Variants in ESYT2 observed in about 807,000 individuals in gnomAD.
ESYT2 encodes extended synaptotagmin-2.
A neutral mutation model predicts 107.2 loss-of-function variants in ESYT2; 54 were observed. The ratio of observed to expected loss-of-function variants is 0.50; its 90% CI spans 0.40 to 0.63. The LOEUF (loss-of-function observed/expected upper bound fraction) is 0.63, where lower values mean the gene tolerates loss of function less well. Among genes scored for constraint, ESYT2 ranks in the 30% least tolerant of loss-of-function variants. The pLI is 0.00. For missense variants in ESYT2, 1,020 were observed against 1,094.5 expected, an observed-to-expected ratio of 0.93 and a Z score of 0.96; for synonymous variants, 491 against 434.1, an observed-to-expected ratio of 1.13 and a Z score of -1.63.
chr7:158,767,511 A>G, intron 8 of ESYT2, 143 bp downstream of exon 8: 1 of 1,071,652 alleles, frequency 9.3e-7, no homozygotes, highest in Non-Finnish European at 1.3e-6. Context: ...AGTGACGGAC[A>G]ACCAATAGTC....
In ESYT2 at chr7:158,732,905, GAC is replaced by G. The variant is rs950186562; in HGVS notation, c.*1300_*1301del. On this transcript the variant is annotated 3_prime_UTR_variant, in exon 23 of 23. Coordinates refer to ENST00000275418, the MANE Select transcript of ESYT2 (RefSeq NM_001367773.1). ...TACATATGTGCATTCTTTCTTTACA[GAC>G]ACACACAGCCTACGACACTGCAACA... The G allele has an allele frequency of 6.6e-6, 1 of 152,186 alleles. No individual in the cohort carries two copies. The highest frequency in any genetic ancestry group is 1.5e-5 in the Non-Finnish European group (1 of 68,052). 9.4% of individuals were successfully genotyped at this position (152,186 alleles called of 1,614,324 possible).
At chr7:158,827,381 G>C (rs931208904) in intron 1 of ESYT2, among the ~76,000 whole-genome samples, 1 of 152,040 alleles carries the variant, frequency 6.6e-6, no homozygotes, top group Admixed American at 6.6e-5. Context: ...ATGCATCTTA[G>C]TGTAATATAG....
intron 6 of ESYT2, among the ~76,000 whole-genome samples, chr7:158,782,922 T>G (rs1462580624): frequency 6.6e-6 from 1 of 152,198 alleles, no homozygotes; most frequent in East Asian, 1.9e-4. Context: ...AAGCCCAGTC[T>G]GAGGTCCACA....
At chr7:158,827,480 C>A (rs1021263264) in intron 1 of ESYT2, 1 of 152,156 alleles carries the variant, frequency 6.6e-6, no homozygotes, top group African/African-American at 2.4e-5. Flanking sequence ...CTCTTAACTT[C>A]CTTTTTCTAC....
chr7:158,766,325 A>C (rs964730205), intron 8 of ESYT2, among the ~76,000 whole-genome samples: 72 of 152,314 alleles, frequency 4.7e-4, no homozygotes, highest in Non-Finnish European at 8.8e-4. Context: ...TATTGACAGC[A>C]CCGGCTGTTA....
intron 19 of ESYT2, 82 bp downstream of exon 19, chr7:158,738,941 C>G (rs1490232013): frequency 2.3e-6 from 3 of 1,332,110 alleles, no homozygotes; most frequent in Non-Finnish European, 3.2e-6. Context: ...GTTTGGAAAT[C>G]CTAAAGGCGG....
At position 158,743,569 on chromosome 7, in the gene ESYT2, G is replaced by A. The variant is rs1345781791; in HGVS notation, c.1754C>T (p.Ser585Leu). 3.7e-6 allele frequency: 6 copies of A among 1,613,120 alleles called. No homozygotes were observed. Among genetic ancestry groups the A allele is most frequent in the Middle Eastern group, 1.7e-4 (1 of 6,060 alleles). ...TVSQRFQLSN[S>L]GPNSTIKMKI... ...CATCTTGATGGTGCTGTTTGGACCC[G>A]AGTTACTGAGCTGGAAGCGCTGGCT... The change falls in exon 17 of 23, where the codon TCG becomes TTG. Residue 585 changes from serine to leucine, a missense_variant. Physicochemically the swap from Ser to Leu is moderately radical, Grantham distance 145. Transcript: ENST00000275418.
intron 1 of ESYT2, among the ~76,000 whole-genome samples, chr7:158,814,287 TTATATATATATATATATATA>T (rs58908927): frequency 2.1e-4 from 14 of 66,902 alleles, no homozygotes; most frequent in South Asian, 1.1e-3. Flanking sequence ...AAAAAAAAAA[TTATATATATATATATATATA>T]TATATATATA....
chr7:158,791,142 G>A (rs933352886), intron 4 of ESYT2, among the ~76,000 whole-genome samples: 5 of 151,980 alleles, frequency 3.3e-5, no homozygotes, highest in African/African-American at 1.2e-4. Flanking sequence ...CCACCATTCC[G>A]CTTCTGTCTA....
intron 6 of ESYT2, among the ~76,000 whole-genome samples, chr7:158,785,602 A>C (rs1839083925): frequency 6.6e-6 from 1 of 152,206 alleles, no homozygotes; most frequent in East Asian, 1.9e-4. Flanking sequence ...TTTCAGATTT[A>C]ATTGTGTGAG....
At chr7:158,828,788 G>T (rs553724981) in intron 1 of ESYT2, among the ~76,000 whole-genome samples, 1 of 151,574 alleles carries the variant, frequency 6.6e-6, no homozygotes, top group African/African-American at 2.4e-5. Flanking sequence ...TCGCCCTAGC[G>T]GGCAGGTCGC....
rs138122553 is a variant in ESYT2 at position 158,825,861 on chromosome 7, C to T, written c.330+3228G>A. Among the ~76,000 whole-genome samples the T allele has an allele frequency of 7.6e-3, 1,155 of 152,224 alleles. 14 individuals are homozygous for T. The highest frequency in any genetic ancestry group is 0.031 in the South Asian group (148 of 4,822). On this transcript the variant is annotated intron_variant, in intron 1 of 22. Transcript: ENST00000275418. ...CAGTCCAAAGTTCAGAAACCCCAAG[C>T]ACCAATGTATGTATGGTAAAAATCA...
rs752032379 is a variant in ESYT2 at position 158,823,788 on chromosome 7, G to A, written c.330+5301C>T. Among the ~76,000 whole-genome samples the A allele has an allele frequency of 4.6e-5, 7 of 152,140 alleles. No homozygotes were observed. The South Asian group carries it at 8.3e-4, about 18-fold the overall frequency. ...GGAAATCATGAAAGCCTACAGAAAC[G>A]ATCATAGGTTCATTAGGTCTAACAA... On this transcript the variant is annotated intron_variant, in intron 1 of 22. Transcript: ENST00000275418.
At chr7:158,764,518 G>A (rs1268892043) in intron 9 of ESYT2, among the ~76,000 whole-genome samples, 159 bp downstream of exon 9, 1 of 152,184 alleles carries the variant, frequency 6.6e-6, no homozygotes, top group Admixed American at 6.5e-5. Context: ...AAGGAGAGAA[G>A]GTACGACACT....
chr7:158,756,001 A>C (rs1837743653), intron 13 of ESYT2, among the ~76,000 whole-genome samples: 1 of 152,220 alleles, frequency 6.6e-6, no homozygotes, highest in African/African-American at 2.4e-5. Context: ...TGTACCCTAT[A>C]ACTTAAAAAT....
chr7:158,759,752 A>G (rs929729000), intron 12 of ESYT2, among the ~76,000 whole-genome samples, 171 bp from the exon 13 acceptor site: 1 of 152,228 alleles, frequency 6.6e-6, no homozygotes, highest in Non-Finnish European at 1.5e-5. Flanking sequence ...TAACAAGACT[A>G]CTATTCCATA....
At chr7:158,809,726 G>C (rs1224096293) in intron 1 of ESYT2, among the ~76,000 whole-genome samples, 1 of 152,208 alleles carries the variant, frequency 6.6e-6, no homozygotes, top group African/African-American at 2.4e-5. Context: ...CAGCCTGAAG[G>C]TTTCCTAACT....
intron 4 of ESYT2, among the ~76,000 whole-genome samples, chr7:158,789,731 C>T (rs753311264): frequency 6.6e-6 from 1 of 152,182 alleles, no homozygotes; most frequent in African/African-American, 2.4e-5. Context: ...GGTTAAAGTG[C>T]TTGTCTGGAA....
intron 18 of ESYT2, among the ~76,000 whole-genome samples, chr7:158,741,156 G>A (rs1410572463): frequency 6.6e-6 from 1 of 152,216 alleles, no homozygotes; most frequent in Non-Finnish European, 1.5e-5. Flanking sequence ...GGGGAGGCCA[G>A]GGCTTCTCCA....
Sources: allele counts gnomAD v4.1 joint callset (sites outside exome capture counted in the v4.1 genomes callset), GRCh38; gene constraint gnomAD v4.1.1; transcripts MANE v1.5; gene names NCBI Gene and HGNC (gene_info 2026-07-23, HGNC 2026-07-21).